Variants in NIPBL observed in about 807,000 individuals in gnomAD.
NIPBL encodes the protein nipped-B-like protein.
A neutral mutation model predicts 321.8 loss-of-function variants in NIPBL; 19 were observed. That is an observed-to-expected ratio of 0.06 (90% CI 0.04 to 0.09). The LOEUF (loss-of-function observed/expected upper bound fraction) is 0.09. NIPBL is among the 10% of genes least tolerant of loss of function. The pLI, the probability that NIPBL is intolerant of heterozygous loss-of-function variation, is 1.00. For missense variants in NIPBL, 2,210 were observed against 3,327.0 expected (o/e 0.66, Z 8.26); for synonymous variants, 1,106 against 1,114.1 (o/e 0.99, Z 0.14).
chr5:36,981,937 A>G (rs932205225), intron 9 of NIPBL, among the ~76,000 whole-genome samples: 2 of 151,732 alleles, frequency 1.3e-5, no homozygotes, highest in African/African-American at 4.8e-5. Context: ...GTGTGTTTTC[A>G]TTTTACATAA....
intron 34 of NIPBL, among the ~76,000 whole-genome samples, chr5:37,042,314 AG>A (rs1460637801): frequency 6.6e-6 from 1 of 151,492 alleles, no homozygotes; most frequent in African/African-American, 2.4e-5. Flanking sequence ...GCGCACCTAT[AG>A]TCCCAGCTCC....
rs766774397 is a variant in NIPBL, at chr5:36,985,930, A to G, written c.2750A>G (p.Asp917Gly). 1 of 1,614,002 alleles carries G rather than the reference A, an allele frequency of 6.2e-7. No homozygotes were observed. Among genetic ancestry groups the G allele is most frequent in the Non-Finnish European group, 8.5e-7 (1 of 1,179,976 alleles). ...KLGFKSPTSKDDKRTEGNKSK... is the reference protein window; with the variant it reads ...KLGFKSPTSKGDKRTEGNKSK... ...GGTTTTAAATCACCAACTAGTAAAG[A>G]TGACAAAAGGACAGAGGGTAACAAG... The change falls in exon 10 of 47, where the codon GAT becomes GGT. Residue 917 changes from aspartate to glycine, a missense_variant. Asp to Gly is a moderately conservative substitution (Grantham distance 94). Around this residue, in one of 14 missense-constraint regions of NIPBL, gnomAD observed 588 missense variants for 564.1 expected, o/e 1.04. Transcript: ENST00000282516.
chr5:37,053,602 A>G lies in NIPBL; in HGVS notation c.7263+1036A>G, dbSNP rs112365387. ...TAGTTTACTCACCTATTTTTGGACT[A>G]TGGTTGACCAAGGGTAACTGAAACT... On this transcript the variant is annotated intron_variant, in intron 42 of 46. Coordinates refer to ENST00000282516, the MANE Select transcript of NIPBL (RefSeq NM_133433.4). 1.4e-4 allele frequency among the ~76,000 whole-genome samples: 21 copies of G among 152,290 alleles called. 1 individual carries two copies. The highest frequency in any genetic ancestry group is 5.1e-4 in the African/African-American group (21 of 41,576).
chr5:36,910,488 C>G (rs1180000627), intron 1 of NIPBL, among the ~76,000 whole-genome samples: 1 of 152,164 alleles, frequency 6.6e-6, no homozygotes, highest in East Asian at 1.9e-4. Context: ...TTGGGTCCAA[C>G]TTGCACATCT....
At position 36,958,206 on chromosome 5, in the gene NIPBL, C is replaced by T. The variant is rs199569761; in HGVS notation, c.333C>T (p.Ser111=). ...GTCCTAATGTTTTCAGGGAGAAAAG[C>T]ATGCAGAACAGATATGTACAAAGTG... is the stretch of plus-strand genomic sequence containing the variant. ...ARSPNVFREK[S]MQNRYVQSGM... The change falls in exon 4 of 47, where the codon AGC becomes AGT. Residue 111 remains serine (S), a synonymous_variant. Coordinates refer to ENST00000282516, the MANE Select transcript of NIPBL (RefSeq NM_133433.4). 1.2e-6 allele frequency: 2 copies of T among 1,613,724 alleles called. No homozygotes were observed. Among genetic ancestry groups the T allele is most frequent in the East Asian group, 4.5e-5 (2 of 44,860 alleles).
At chr5:37,024,758 T>C (rs771375543) in intron 30 of NIPBL, 39 bp downstream of exon 30, 2 of 1,489,930 alleles carry the variant, frequency 1.3e-6, no homozygotes, top group South Asian at 2.4e-5. Context: ...TCATTAATGT[T>C]TAAAATAAGT....
chr5:36,879,250 T>G (rs981082907), intron 1 of NIPBL, among the ~76,000 whole-genome samples: 5 of 152,228 alleles, frequency 3.3e-5, no homozygotes, highest in African/African-American at 1.2e-4. Flanking sequence ...TATGCAGATG[T>G]TTGAATAAGT....
chr5:36,994,218 A>T (rs1745875714), intron 10 of NIPBL, among the ~76,000 whole-genome samples: 1 of 152,156 alleles, frequency 6.6e-6, no homozygotes, highest in Non-Finnish European at 1.5e-5. Context: ...AGTTAAACTC[A>T]ACGTTAGTTA....
chr5:36,920,491 T>C (rs1748846966), intron 1 of NIPBL, among the ~76,000 whole-genome samples: 7 of 152,184 alleles, frequency 4.6e-5, no homozygotes, highest in Admixed American at 4.6e-4. Context: ...TAGGTCAAAC[T>C]TGGGAATCTA....
At chr5:37,007,001 C>A (rs957118631) in intron 17 of NIPBL, among the ~76,000 whole-genome samples, 3 of 151,696 alleles carry the variant, frequency 2.0e-5, no homozygotes, top group African/African-American at 4.8e-5. Flanking sequence ...ATGAACTTGA[C>A]GATCTATTGT....
At chr5:37,034,773 G>A (rs985645706) in intron 32 of NIPBL, among the ~76,000 whole-genome samples, 2 of 152,178 alleles carry the variant, frequency 1.3e-5, no homozygotes, top group Non-Finnish European at 2.9e-5. Flanking sequence ...AAGGGAAGGA[G>A]CACATTGGGA....
chr5:36,890,201 C>T (rs916244772), intron 1 of NIPBL, among the ~76,000 whole-genome samples: 1 of 151,998 alleles, frequency 6.6e-6, no homozygotes, highest in South Asian at 2.1e-4. Context: ...TTTGCTTTTA[C>T]TTTTTTTCTA....
rs868294395 is a variant in NIPBL at position 37,064,747 on chromosome 5, G to A, written c.8270G>A (p.Arg2757His). 3.1e-6 allele frequency: 5 copies of A among 1,614,172 alleles called. No individual in the cohort carries two copies. Among genetic ancestry groups the A allele is most frequent in the Non-Finnish European group, 2.5e-6 (3 of 1,180,030 alleles). ...SWTEAKRRDG[R>H]KLVPWVDTIK... Reference sequence around the variant, plus strand: ...ACTGAGGCTAAGCGCCGTGATGGCCGCAAACTGGTGCCTTGGGTAGACACT... The same window carrying A: ...ACTGAGGCTAAGCGCCGTGATGGCCACAAACTGGTGCCTTGGGTAGACACT... Residue 2757 changes from arginine (R) to histidine (H), a missense_variant, in exon 47 of 47, where the codon CGC (arginine) becomes CAC (histidine). Around this residue, in one of 14 missense-constraint regions of NIPBL, gnomAD observed 159 missense variants for 319.2 expected, o/e 0.50. Transcript: ENST00000282516.
chr5:37,053,210 G>T (rs1351891305), intron 42 of NIPBL, among the ~76,000 whole-genome samples: 1 of 152,090 alleles, frequency 6.6e-6, no homozygotes, highest in African/African-American at 2.4e-5. Context: ...AGGCTATATT[G>T]TTCCTGGGCT....
intron 21 of NIPBL, among the ~76,000 whole-genome samples, chr5:37,013,259 C>G (rs1748431316): frequency 6.7e-6 from 1 of 150,200 alleles, no homozygotes; most frequent in Non-Finnish European, 1.5e-5. Context: ...CAGAGGCGCC[C>G]CTCACCTCGC....
At chr5:37,002,893 T>C (rs538614289) in intron 15 of NIPBL, 128 bp downstream of exon 15, 15 of 641,514 alleles carry the variant, frequency 2.3e-5, no homozygotes, top group African/African-American at 1.7e-4. Context: ...TGTTGACTTC[T>C]GAGAGTCTAA....
intron 1 of NIPBL, among the ~76,000 whole-genome samples, chr5:36,922,823 A>G (rs182710773): frequency 1.8e-4 from 28 of 152,320 alleles, no homozygotes; most frequent in Non-Finnish European, 3.2e-4. Context: ...TTGGAAAATT[A>G]GTTTACCTTT....
chr5:36,943,421 G>A (rs886121362), intron 1 of NIPBL, among the ~76,000 whole-genome samples: 2 of 150,560 alleles, frequency 1.3e-5, no homozygotes, highest in African/African-American at 4.8e-5. Flanking sequence ...TAAATTGTTT[G>A]TAGATCATAA....
intron 1 of NIPBL, chr5:36,885,690 G>C (rs1745843515): frequency 1.7e-6 from 1 of 579,678 alleles, no homozygotes; most frequent in Admixed American, 2.0e-5. Context: ...GCTGCTGATG[G>C]CTTTAGAGTC....
Sources: gnomAD v4.1 joint callset for allele counts (sites outside exome capture counted in the v4.1 genomes callset) on GRCh38, gnomAD v4.1.1 for gene constraint, gnomAD v4.1.1 regional missense constraint, MANE v1.5 for transcripts, NCBI Gene and HGNC (gene_info 2026-07-23, HGNC 2026-07-21) for gene names.